Variants in PREX1 observed in about 807,000 individuals in gnomAD.
The protein encoded by PREX1 is phosphatidylinositol 3,4,5-trisphosphate-dependent Rac exchanger 1 protein.
PREX1 carries 41 observed loss-of-function variants against 198.3 expected under a neutral mutation model. The ratio of observed to expected loss-of-function variants is 0.21; its 90% CI spans 0.16 to 0.27. PREX1 has a LOEUF of 0.27. PREX1 is among the 10% of genes least tolerant of loss of function. PREX1 has a pLI of 1.00. For synonymous variants in PREX1, 843 were observed against 887.2 expected, an observed-to-expected ratio of 0.95 and a Z score of 0.89; for missense variants, 1,620 against 2,200.7, an observed-to-expected ratio of 0.74 and a Z score of 5.28.
chr20:48,813,925 T>G (rs887888903), intron 1 of PREX1, among the ~76,000 whole-genome samples: 4 of 152,190 alleles, frequency 2.6e-5, no homozygotes, highest in African/African-American at 9.7e-5. Flanking sequence ...TCCACTGTAT[T>G]TACTACCTTT....
chr20:48,782,262 G>A (rs1051909696), intron 1 of PREX1, among the ~76,000 whole-genome samples: 1 of 152,156 alleles, frequency 6.6e-6, no homozygotes, highest in Non-Finnish European at 1.5e-5. Flanking sequence ...GGAGATAATT[G>A]AATCATGGGG....
chr20:48,804,256 C>T (rs1251541712), intron 1 of PREX1, among the ~76,000 whole-genome samples: 1 of 152,226 alleles, frequency 6.6e-6, no homozygotes, highest in Non-Finnish European at 1.5e-5. Flanking sequence ...GACAAAACCC[C>T]CTGCCCTCTG....
the PREX1 span, among the ~76,000 whole-genome samples, chr20:48,842,688 T>C: frequency 6.6e-6 from 1 of 151,478 alleles, no homozygotes. Context: ...TCTCTCTCCT[T>C]CTTAAAATAT....
At chr20:48,864,259 C>G in the PREX1 span, among the ~76,000 whole-genome samples, 1 of 152,182 alleles carries the variant, frequency 6.6e-6, no homozygotes, top group African/African-American at 2.4e-5. Flanking sequence ...TTCACTTATT[C>G]CTCCAGTGAA....
At chr20:48,885,593 A>T in the PREX1 span, among the ~76,000 whole-genome samples, 2 of 152,096 alleles carry the variant, frequency 1.3e-5, no homozygotes, top group African/African-American at 4.8e-5. Flanking sequence ...CCACACAAAA[A>T]CCTGTACATC....
rs181153187 is a variant in PREX1 at position 48,788,096 on chromosome 20, T to C, written c.219+39546A>G. Among the ~76,000 whole-genome samples, 402 of 152,280 alleles carry C rather than the reference T, an allele frequency of 2.6e-3. 1 individual carries two copies. The highest frequency in any genetic ancestry group is 0.019 in the South Asian group (94 of 4,826). ...ATGAGAGAATGTGTGCAAACCCAAATTGAACTTGTAATTCACTTGATGGAT... is the reference window on the plus strand; with the variant it reads ...ATGAGAGAATGTGTGCAAACCCAAACTGAACTTGTAATTCACTTGATGGAT... On this transcript the variant is annotated intron_variant, in intron 1 of 39. Transcript: ENST00000371941.
chr20:48,818,733 C>T (rs942872010), intron 1 of PREX1, among the ~76,000 whole-genome samples: 1 of 152,184 alleles, frequency 6.6e-6, no homozygotes, highest in Non-Finnish European at 1.5e-5. Flanking sequence ...GTACCGATCC[C>T]GCCAAACAGT....
chr20:48,762,269 A>AT (rs1270993169), intron 1 of PREX1, among the ~76,000 whole-genome samples: 1 of 151,994 alleles, frequency 6.6e-6, no homozygotes, highest in Non-Finnish European at 1.5e-5. Context: ...TCAGTTGTTG[A>AT]TTTTTTTCCT....
rs149401869 is a variant in PREX1, at chr20:48,634,795, C to T, written c.4168-20G>A. 94 of 1,608,316 alleles carry T rather than the reference C, an allele frequency of 5.8e-5. No homozygotes were observed. Among genetic ancestry groups the T allele is most frequent in the African/African-American group, 9.3e-5 (7 of 74,934 alleles). ...CTCCTTCTGCAGGAAGAAGACAGCG[C>T]GGAGGAGTCTCAGATGCCAACCCTG... On this transcript the variant is annotated intron_variant, in intron 32 of 39. Transcript: ENST00000371941.
At chr20:48,703,337 C>T (rs1364803147) in intron 6 of PREX1, among the ~76,000 whole-genome samples, 2 of 152,226 alleles carry the variant, frequency 1.3e-5, no homozygotes, top group South Asian at 2.1e-4. Flanking sequence ...TCACACATCA[C>T]GGCCTTCGGC....
At chr20:48,761,882 C>T (rs1056413110) in intron 1 of PREX1, among the ~76,000 whole-genome samples, 11 of 152,178 alleles carry the variant, frequency 7.2e-5, no homozygotes, top group African/African-American at 2.7e-4. Flanking sequence ...CCATTAAAAT[C>T]CAAATTCCAA....
intron 27 of PREX1, 86 bp from the exon 28 acceptor site, chr20:48,642,575 C>T (rs1418895615): frequency 8.3e-7 from 1 of 1,209,890 alleles, no homozygotes; most frequent in Non-Finnish European, 1.2e-6. Flanking sequence ...GGGGATACAG[C>T]TACAGAACTC....
chr20:48,764,781 C>CAAAA (rs1182093484), intron 1 of PREX1, among the ~76,000 whole-genome samples: 4 of 81,122 alleles, frequency 4.9e-5, no homozygotes, highest in Non-Finnish European at 1.1e-4. Flanking sequence ...GACTCTTTCT[C>CAAAA]AAAAAAAAAA....
At chr20:48,877,161 C>G in the PREX1 span, among the ~76,000 whole-genome samples, 2 of 151,882 alleles carry the variant, frequency 1.3e-5, no homozygotes, top group Non-Finnish European at 2.9e-5. Context: ...ATCTCAGCTA[C>G]TCAGGAGGCT....
At chr20:48,773,266 CAAAA>C (rs55740822) in intron 1 of PREX1, among the ~76,000 whole-genome samples, 2 of 65,912 alleles carry the variant, frequency 3.0e-5, no homozygotes, top group Middle Eastern at 0.012. Context: ...GACTTGGTCT[CAAAA>C]AAAAAAAAAA....
At chr20:48,627,995 C>A (rs762804437) in intron 37 of PREX1, 32 bp from the exon 38 acceptor site, 1 of 877,860 alleles carries the variant, frequency 1.1e-6, no homozygotes. Flanking sequence ...AGCGGGTTGG[C>A]GGTGGGGGGA....
At chr20:48,748,115 C>G (rs541202259) in intron 1 of PREX1, among the ~76,000 whole-genome samples, 1 of 152,084 alleles carries the variant, frequency 6.6e-6, no homozygotes, top group African/African-American at 2.4e-5. Flanking sequence ...ACGCCAGGCC[C>G]TGCACTGGGC....
intron 26 of PREX1, among the ~76,000 whole-genome samples, chr20:48,645,241 T>C (rs1250942953): frequency 6.6e-6 from 1 of 152,212 alleles, no homozygotes; most frequent in East Asian, 1.9e-4. Flanking sequence ...TGAAGCACCC[T>C]CTAAGATTCC....
chr20:48,632,964 C>T (rs2089327504), intron 33 of PREX1, among the ~76,000 whole-genome samples: 1 of 152,240 alleles, frequency 6.6e-6, no homozygotes, highest in Admixed American at 6.5e-5. Flanking sequence ...GGGTCCACAG[C>T]ATTTGGGGTC....
Sources: allele counts gnomAD v4.1 joint callset (sites outside exome capture counted in the v4.1 genomes callset), GRCh38; gene constraint gnomAD v4.1.1; transcripts MANE v1.5; gene names NCBI Gene and HGNC (gene_info 2026-07-23, HGNC 2026-07-21).